GAREM1: variants seen among roughly 807,000 people sequenced by gnomAD.
GAREM1 encodes the protein GRB2 associated regulator of MAPK1 subtype 1.
A neutral mutation model predicts 71.3 loss-of-function variants in GAREM1; 26 were observed. The observed-to-expected ratio is 0.36, with a 90% confidence interval of 0.27 to 0.51. GAREM1 has a LOEUF of 0.51. Ranked by LOEUF, GAREM1 falls within the 20% of genes least tolerant of loss-of-function variation. The probability of loss-of-function intolerance (pLI) is 0.95; values close to 1 mark genes in which losing one functional copy is unlikely to be tolerated. For synonymous variants in GAREM1, 440 were observed against 433.2 expected (o/e 1.02, Z -0.20); for missense variants, 1,026 against 1,103.1 (o/e 0.93, Z 0.99).
chr18:32,293,504 C>T (rs1415506580), intron 3 of GAREM1, among the ~76,000 whole-genome samples: 1 of 152,102 alleles, frequency 6.6e-6, no homozygotes, highest in Non-Finnish European at 1.5e-5. Flanking sequence ...AAAAAGATGA[C>T]AAACAAGGAA....
chr18:32,280,495 C>T (rs2041598527), intron 4 of GAREM1, among the ~76,000 whole-genome samples: 1 of 152,154 alleles, frequency 6.6e-6, no homozygotes, highest in African/African-American at 2.4e-5. Flanking sequence ...TGTTCACAGC[C>T]TTAGAGCCTC....
intron 1 of GAREM1, among the ~76,000 whole-genome samples, chr18:32,423,859 C>T (rs949900849): frequency 6.6e-6 from 1 of 152,128 alleles, no homozygotes; most frequent in African/African-American, 2.4e-5. Flanking sequence ...TGGAGCTGGG[C>T]ATGGTGGCTC....
intron 2 of GAREM1, among the ~76,000 whole-genome samples, chr18:32,386,794 T>C (rs1029231384): frequency 7.2e-5 from 11 of 152,204 alleles, no homozygotes; most frequent in Non-Finnish European, 1.5e-4. Context: ...GTTTTCTTTG[T>C]TGTTTTTCAT....
At chr18:32,418,347 G>A (rs1248031917) in intron 1 of GAREM1, among the ~76,000 whole-genome samples, 2 of 152,058 alleles carry the variant, frequency 1.3e-5, no homozygotes, top group African/African-American at 4.8e-5. Context: ...AACGGCTCCT[G>A]GTTGCTGTGT....
intron 1 of GAREM1, among the ~76,000 whole-genome samples, chr18:32,405,370 G>A (rs988382024): frequency 6.6e-6 from 1 of 151,910 alleles, no homozygotes; most frequent in Non-Finnish European, 1.5e-5. Flanking sequence ...GCTAATTTTT[G>A]TATTTTTAGT....
intron 4 of GAREM1, among the ~76,000 whole-genome samples, chr18:32,282,619 C>CA (rs148530652): frequency 0.035 from 5,342 of 152,206 alleles, 119 homozygotes; most frequent in Non-Finnish European, 0.056. Flanking sequence ...CACTGTTGGC[C>CA]AACTGGTCTT....
intron 2 of GAREM1, among the ~76,000 whole-genome samples, chr18:32,366,483 A>C (rs1017291033): frequency 6.6e-6 from 1 of 152,252 alleles, no homozygotes; most frequent in Non-Finnish European, 1.5e-5. Flanking sequence ...ACTTTAAAGT[A>C]TACTAAATTT....
intron 2 of GAREM1, among the ~76,000 whole-genome samples, chr18:32,321,175 A>G (rs1157010210): frequency 6.6e-6 from 1 of 152,212 alleles, no homozygotes; most frequent in Non-Finnish European, 1.5e-5. Flanking sequence ...ATAAATAAAC[A>G]TATAATAGCT....
chr18:32,314,674 C>T (rs57230958), intron 2 of GAREM1, among the ~76,000 whole-genome samples: 7,931 of 151,744 alleles, frequency 0.052, 216 homozygotes, highest in South Asian at 0.066. Flanking sequence ...CTGCAACCTC[C>T]GCCTCCTAGG....
At chr18:32,290,135 T>C (rs989167106) in intron 3 of GAREM1, 1 of 151,758 alleles carries the variant, frequency 6.6e-6, no homozygotes. Context: ...AAGTATTATA[T>C]ACTAAGTTCA....
intron 4 of GAREM1, among the ~76,000 whole-genome samples, chr18:32,273,405 G>C (rs533931174): frequency 6.6e-6 from 1 of 152,260 alleles, no homozygotes; most frequent in South Asian, 2.1e-4. Flanking sequence ...AGTTGAATTT[G>C]ACCTAAAGGA....
At chr18:32,271,184 T>G (rs1328286153) in intron 4 of GAREM1, among the ~76,000 whole-genome samples, 2 of 152,032 alleles carry the variant, frequency 1.3e-5, no homozygotes, top group Non-Finnish European at 2.9e-5. Context: ...ACTTTTTAAT[T>G]TTTTTAATTT....
chr18:32,395,177 C>T lies in GAREM1; in HGVS notation c.122-2142G>A, dbSNP rs114504387. On this transcript the variant is annotated intron_variant, in intron 1 of 5. Coordinates refer to ENST00000269209, the MANE Select transcript of GAREM1 (RefSeq NM_001242409.2). Reference sequence around the variant, plus strand: ...CTGACTTTGGGGTCTCTCTCCATCTCTCTCCTGCTCTTCCAATGCCACAAT... The same window carrying T: ...CTGACTTTGGGGTCTCTCTCCATCTTTCTCCTGCTCTTCCAATGCCACAAT... Among the ~76,000 whole-genome samples, 424 of 152,322 alleles carry T rather than the reference C, an allele frequency of 2.8e-3. 4 individuals carry two copies. Among genetic ancestry groups the T allele is most frequent in the African/African-American group, 9.8e-3 (409 of 41,564 alleles).
chr18:32,407,238 G>A (rs1425858117), intron 1 of GAREM1, among the ~76,000 whole-genome samples: 2 of 152,186 alleles, frequency 1.3e-5, no homozygotes, highest in African/African-American at 2.4e-5. Context: ...TGTCACTTGA[G>A]CTTAGTTGCT....
At chr18:32,441,054 A>T (rs991966289) in intron 1 of GAREM1, among the ~76,000 whole-genome samples, 3 of 152,194 alleles carry the variant, frequency 2.0e-5, no homozygotes, top group Non-Finnish European at 4.4e-5. Context: ...AGTGATGCTT[A>T]AGATTTAATA....
chr18:32,405,112 T>C (rs937969931), intron 1 of GAREM1, among the ~76,000 whole-genome samples: 1 of 152,230 alleles, frequency 6.6e-6, no homozygotes, highest in African/African-American at 2.4e-5. Flanking sequence ...ATTTTAATTA[T>C]GTTTACTTGT....
chr18:32,317,393 CAAAA>C (rs35166372), intron 2 of GAREM1, among the ~76,000 whole-genome samples: 1 of 72,592 alleles, frequency 1.4e-5, no homozygotes, highest in Admixed American at 1.6e-4. Flanking sequence ...CGCTCTGTCA[CAAAA>C]AAAAAAAAAA....
Position 32,470,282 on chromosome 18 carries a change from T to A in GAREM1, c.121+26A>T. The A allele has an allele frequency of 6.7e-7, 1 of 1,484,350 alleles. No individual in the cohort carries two copies. The highest frequency in any genetic ancestry group is 1.3e-5 in the South Asian group (1 of 78,102). The allele number at this position is 1,484,350 out of a possible 1,614,324, so 91.9% of individuals were successfully genotyped here. A position where few individuals can be genotyped will look rare whatever the true frequency, so the allele number is the denominator to read the frequency against. Reference sequence around the variant, plus strand: ...GTGGAGACGGCTGTCCTCGCCCGTCTGCCCCGCGCCCCAGCTGGGACTCAC... The same window carrying A: ...GTGGAGACGGCTGTCCTCGCCCGTCAGCCCCGCGCCCCAGCTGGGACTCAC... On this transcript the variant is annotated intron_variant, in intron 1 of 5. Transcript: ENST00000269209. This position sits in a 1 kb window ranked among gnomAD's most constrained non-coding sequence, Gnocchi z 4.4.
At chr18:32,365,044 CA>C (rs1400445520) in intron 2 of GAREM1, among the ~76,000 whole-genome samples, 4 of 152,118 alleles carry the variant, frequency 2.6e-5, no homozygotes, top group Non-Finnish European at 5.9e-5. Context: ...CAAGATTGTA[CA>C]AAACCTGTGC....
Sources: gnomAD v4.1 joint callset for allele counts (sites outside exome capture counted in the v4.1 genomes callset) on GRCh38, gnomAD v4.1.1 for gene constraint, Gnocchi (gnomAD v3.1) non-coding constraint, MANE v1.5 for transcripts, NCBI Gene and HGNC (gene_info 2026-07-23, HGNC 2026-07-21) for gene names.